The following PEAK1 variants were observed in gnomAD, a reference collection of about 807,000 sequenced individuals.
PEAK1 encodes inactive tyrosine-protein kinase PEAK1.
In PEAK1, 54 loss-of-function variants were observed where a neutral mutation model predicts 124.7. That is an observed-to-expected ratio of 0.43 (90% CI 0.35 to 0.54). PEAK1 has a LOEUF of 0.54. Ranked by LOEUF, PEAK1 falls within the 20% of genes least tolerant of loss-of-function variation. The pLI is 0.01. For missense variants in PEAK1, 2,046 were observed against 2,134.5 expected, an observed-to-expected ratio of 0.96 and a Z score of 0.82; for synonymous variants, 719 against 760.0, an observed-to-expected ratio of 0.95 and a Z score of 0.89.
At chr15:77,260,875 T>C (rs558000301) in intron 5 of PEAK1, among the ~76,000 whole-genome samples, 6 of 152,260 alleles carry the variant, frequency 3.9e-5, no homozygotes, top group African/African-American at 1.2e-4. Context: ...CACCCCCCAG[T>C]AGAGGCAGAC....
In PEAK1 at chr15:77,180,320, G is replaced by T. The variant is rs546124091; in HGVS notation, c.1607C>A (p.Thr536Asn). Residue 536 changes from threonine to asparagine, a missense_variant, in exon 7 of 10, where the codon ACT becomes AAT. Coordinates refer to ENST00000682557, the MANE Select transcript of PEAK1 (RefSeq NM_001385026.1). ...CTTTTGTCGTGGACTGGTGCTAGAA[G>T]TCCATACTTCTTGGTATCGAATTGC... ...SSAIRYQEVWTSSTSPRQKIP... is the reference protein window; with the variant it reads ...SSAIRYQEVWNSSTSPRQKIP... 1.2e-6 allele frequency: 2 copies of T among 1,614,108 alleles called. No individual in the cohort carries two copies. Among genetic ancestry groups the T allele is most frequent in the Admixed American group, 3.3e-5 (2 of 60,020 alleles).
At chr15:77,260,683 G>A (rs1438072689) in intron 5 of PEAK1, among the ~76,000 whole-genome samples, 6 of 152,278 alleles carry the variant, frequency 3.9e-5, no homozygotes, top group East Asian at 1.9e-4. Context: ...CAAGATGGCC[G>A]AATAGGAACA....
intron 9 of PEAK1, among the ~76,000 whole-genome samples, chr15:77,121,770 A>C (rs958342890): frequency 2.6e-5 from 4 of 152,214 alleles, no homozygotes; most frequent in African/African-American, 9.6e-5. Flanking sequence ...TCTCATTTCC[A>C]TCTCACTCTA....
intron 2 of PEAK1, chr15:77,350,367 A>C (rs1054918525): frequency 1.0e-6 from 1 of 985,350 alleles, no homozygotes. Context: ...TACTTAGCTC[A>C]GTTCACAAGA....
intron 8 of PEAK1, among the ~76,000 whole-genome samples, chr15:77,149,842 T>C (rs1283981631): frequency 1.3e-5 from 2 of 152,110 alleles, no homozygotes; most frequent in East Asian, 1.9e-4. Context: ...CTTGACCTCC[T>C]GGGCTCAAGG....
chr15:77,193,737 G>C (rs111700308), intron 6 of PEAK1, among the ~76,000 whole-genome samples: 1 of 152,158 alleles, frequency 6.6e-6, no homozygotes, highest in African/African-American at 2.4e-5. Flanking sequence ...CTGGAAGGCA[G>C]AGGTTGCACT....
At chr15:77,213,338 A>G (rs1424308529) in intron 6 of PEAK1, among the ~76,000 whole-genome samples, 2 of 152,166 alleles carry the variant, frequency 1.3e-5, no homozygotes, top group African/African-American at 4.8e-5. Flanking sequence ...ACAGATAAAG[A>G]GTTCTGGGAG....
chr15:77,150,492 G>A (rs1402604931), intron 8 of PEAK1, among the ~76,000 whole-genome samples: 3 of 151,884 alleles, frequency 2.0e-5, no homozygotes, highest in Non-Finnish European at 2.9e-5. Context: ...AGAATACAAT[G>A]AAATAAAATA....
intron 8 of PEAK1, among the ~76,000 whole-genome samples, chr15:77,141,114 G>A (rs888358993): frequency 6.6e-5 from 10 of 152,126 alleles, no homozygotes; most frequent in Non-Finnish European, 1.5e-5. Context: ...ATCATTCACA[G>A]ATAATATAAT....
chr15:77,178,500 T>G, intron 7 of PEAK1: 1 of 403,622 alleles, frequency 2.5e-6, no homozygotes, highest in Non-Finnish European at 4.4e-6. Flanking sequence ...ACATTATTTA[T>G]TGCTATTAAG....
intron 6 of PEAK1, among the ~76,000 whole-genome samples, chr15:77,211,848 CAAAAAAA>C (rs34360713): frequency 5.4e-4 from 27 of 49,772 alleles, no homozygotes; most frequent in Admixed American, 1.0e-3. Context: ...AACTCCATCT[CAAAAAAA>C]AAAAAAAAAA....
intron 2 of PEAK1, among the ~76,000 whole-genome samples, chr15:77,300,503 C>T (rs891578345): frequency 1.3e-5 from 2 of 152,138 alleles, no homozygotes; most frequent in African/African-American, 2.4e-5. Flanking sequence ...GATGTATAGA[C>T]AAATTGTGAA....
chr15:77,393,415 G>A (rs2070644145), intron 1 of PEAK1, among the ~76,000 whole-genome samples: 2 of 152,164 alleles, frequency 1.3e-5, no homozygotes, highest in South Asian at 2.1e-4. Context: ...AGAGTAAAGA[G>A]GACTTTGTCT....
At chr15:77,260,586 T>A (rs1242154297) in intron 5 of PEAK1, among the ~76,000 whole-genome samples, 1 of 152,092 alleles carries the variant, frequency 6.6e-6, no homozygotes, top group Non-Finnish European at 1.5e-5. Flanking sequence ...AAAAAATAAC[T>A]TCTAGAGATA....
chr15:77,135,631 C>CCCA (rs2053253283), intron 8 of PEAK1, among the ~76,000 whole-genome samples: 1 of 152,128 alleles, frequency 6.6e-6, no homozygotes, highest in Non-Finnish European at 1.5e-5. Context: ...GTGGGAGGGA[C>CCCA]CCAGTGGGAG....
chr15:77,123,829 C>A (rs1596265271), intron 9 of PEAK1, among the ~76,000 whole-genome samples: 1 of 151,772 alleles, frequency 6.6e-6, no homozygotes, highest in Non-Finnish European at 1.5e-5. Context: ...CGGCAGAAGG[C>A]CAGCCAATAT....
chr15:77,181,018 T>A lies in PEAK1; in HGVS notation c.909A>T (p.Arg303Ser). The A allele has an allele frequency of 6.2e-7, 1 of 1,614,178 alleles. No individual in the cohort carries two copies. The highest frequency in any genetic ancestry group is 8.5e-7 in the Non-Finnish European group (1 of 1,180,016). Residue 303 changes from arginine to serine, a missense_variant, in exon 7 of 10, where the codon AGA (arginine) becomes AGT (serine). Physicochemically the swap from Arg to Ser is moderately radical, Grantham distance 110. Transcript: ENST00000682557. ...TIPLRNKSLQ[R>S]ICAVDYDDSY... ...TGTCATCATAGTCCACAGCACAGAT[T>A]CTCTGCAGAGACTTGTTTCGCAGGG...
At chr15:77,169,441 T>C (rs1275870740) in intron 7 of PEAK1, among the ~76,000 whole-genome samples, 1 of 152,198 alleles carries the variant, frequency 6.6e-6, no homozygotes, top group Non-Finnish European at 1.5e-5. Context: ...TTTTAATCAA[T>C]AACCAAGTGT....
At chr15:77,284,895 C>T (rs759521206) in intron 4 of PEAK1, 63 bp downstream of exon 4, 498 of 41,244 alleles carry the variant, frequency 0.012, no homozygotes, top group Non-Finnish European at 0.025. Flanking sequence ...TACTAAAACA[C>T]ACACACACAC....
Sources: gnomAD v4.1 joint callset for allele counts (sites outside exome capture counted in the v4.1 genomes callset) on GRCh38, gnomAD v4.1.1 for gene constraint, MANE v1.5 for transcripts, NCBI Gene and HGNC (gene_info 2026-07-23, HGNC 2026-07-21) for gene names.